GHR: variants seen among roughly 807,000 people sequenced by gnomAD.
GHR encodes the protein growth hormone receptor.
Under a neutral mutation model 67.1 loss-of-function variants are expected in GHR, and 35 were observed. The observed-to-expected ratio is 0.52, with a 90% CI of 0.40 to 0.69. The LOEUF is 0.69. Ranked by LOEUF, GHR falls within the 30% of genes least tolerant of loss-of-function variation. GHR has a pLI of 0.00. For missense variants in GHR, 792 were observed against 764.6 expected (o/e 1.04, Z -0.42); for synonymous variants, 272 against 269.1 (o/e 1.01, Z -0.10).
At chr5:42,474,406 T>C (rs527706710) in intron 1 of GHR, among the ~76,000 whole-genome samples, 1 of 152,208 alleles carries the variant, frequency 6.6e-6, no homozygotes, top group South Asian at 2.1e-4. Context: ...CCTCTTCTGA[T>C]TGTAGAAGTG....
chr5:42,632,680 C>T (rs926445570), intron 3 of GHR, among the ~76,000 whole-genome samples: 10 of 146,906 alleles, frequency 6.8e-5, no homozygotes, highest in Admixed American at 2.0e-4. Context: ...GGTTAGTAAC[C>T]CCAAAAGGAC....
At chr5:42,583,629 A>C (rs563463272) in intron 2 of GHR, among the ~76,000 whole-genome samples, 1 of 152,286 alleles carries the variant, frequency 6.6e-6, no homozygotes, top group African/African-American at 2.4e-5. Flanking sequence ...CTATTTGCAC[A>C]CAAGTTACAT....
chr5:42,593,559 A>G (rs952008074), intron 2 of GHR, among the ~76,000 whole-genome samples: 3 of 152,042 alleles, frequency 2.0e-5, no homozygotes, highest in Admixed American at 6.6e-5. Context: ...TGGGTCCTAT[A>G]CCTTATCTTG....
chr5:42,507,244 G>C (rs553598584), intron 1 of GHR, among the ~76,000 whole-genome samples: 5 of 152,316 alleles, frequency 3.3e-5, no homozygotes, highest in Non-Finnish European at 7.3e-5. Flanking sequence ...TTCAGTGAAG[G>C]TTACCATTAG....
At chr5:42,660,539 C>A (rs1755534667) in intron 3 of GHR, among the ~76,000 whole-genome samples, 2 of 152,214 alleles carry the variant, frequency 1.3e-5, no homozygotes, top group Admixed American at 6.5e-5. Flanking sequence ...AACAGACCTG[C>A]AGCTGAGGGT....
chr5:42,550,104 G>C (rs558924481), intron 1 of GHR: 3 of 974,526 alleles, frequency 3.1e-6, no homozygotes, highest in Non-Finnish European at 3.7e-6. Flanking sequence ...ATGACAGCAC[G>C]TATGAGCCTG....
intron 7 of GHR, 103 bp from the exon 8 acceptor site, chr5:42,713,326 G>C: frequency 1.4e-6 from 1 of 717,734 alleles, no homozygotes; most frequent in Non-Finnish European, 2.6e-6. Context: ...GACTTTATTA[G>C]ATGAATACAA....
At chr5:42,694,066 C>A (rs1380406436) in intron 4 of GHR, among the ~76,000 whole-genome samples, 1 of 152,100 alleles carries the variant, frequency 6.6e-6, no homozygotes, top group Non-Finnish European at 1.5e-5. Context: ...AAACTTTTAC[C>A]CATCCTTCAA....
chr5:42,678,128 T>G (rs1023875812), intron 3 of GHR, among the ~76,000 whole-genome samples: 2 of 152,182 alleles, frequency 1.3e-5, no homozygotes, highest in African/African-American at 4.8e-5. Flanking sequence ...TATCCCCATT[T>G]TACAGGTGAG....
chr5:42,459,162 C>G (rs1367838003), intron 1 of GHR, among the ~76,000 whole-genome samples: 1 of 152,056 alleles, frequency 6.6e-6, no homozygotes, highest in East Asian at 1.9e-4. Flanking sequence ...TGGATATAAA[C>G]CCAAAGGAAT....
chr5:42,718,708 G>A lies in GHR; in HGVS notation c.1201G>A (p.Ala401Thr). 1 of 1,614,194 alleles carries A rather than the reference G, an allele frequency of 6.2e-7. No homozygotes were observed. Among genetic ancestry groups the A allele is most frequent in the Non-Finnish European group, 8.5e-7 (1 of 1,180,032 alleles). Residue 401 changes from alanine to threonine, a missense_variant, in exon 10 of 10, where the codon GCC (alanine) becomes ACC (threonine). Coordinates refer to ENST00000230882, the MANE Select transcript of GHR (RefSeq NM_000163.5). Reference protein sequence around the residue: ...EPDILETDFNANDIHEGTSEV... With the variant: ...EPDILETDFNTNDIHEGTSEV... The stretch of plus-strand genomic sequence containing the variant: ...TGACATTCTGGAGACTGATTTCAAT[G>A]CCAATGACATACATGAGGGTACCTC...
At chr5:42,709,076 T>C (rs1383216419) in intron 6 of GHR, among the ~76,000 whole-genome samples, 1 of 152,140 alleles carries the variant, frequency 6.6e-6, no homozygotes, top group African/African-American at 2.4e-5. Flanking sequence ...AGACCTAGTG[T>C]GTGTCGCTTG....
At chr5:42,658,237 T>A (rs961848203) in intron 3 of GHR, among the ~76,000 whole-genome samples, 1 of 152,056 alleles carries the variant, frequency 6.6e-6, no homozygotes, top group African/African-American at 2.4e-5. Flanking sequence ...AAAATCCAAA[T>A]AAAACTGAAA....
intron 1 of GHR, among the ~76,000 whole-genome samples, chr5:42,503,071 A>G (rs1035710351): frequency 1.3e-5 from 2 of 152,068 alleles, no homozygotes; most frequent in African/African-American, 4.8e-5. Flanking sequence ...AGCTAACTTT[A>G]GTTTCTGATT....
At chr5:42,465,970 T>G (rs908771780) in intron 1 of GHR, 6 of 658,554 alleles carry the variant, frequency 9.1e-6, no homozygotes, top group Admixed American at 2.4e-5. Flanking sequence ...CGTGAAGTTG[T>G]TGAGCAGGTC....
intron 3 of GHR, among the ~76,000 whole-genome samples, chr5:42,673,633 C>A (rs1401462229): frequency 2.0e-5 from 3 of 152,116 alleles, no homozygotes; most frequent in Non-Finnish European, 4.4e-5. Context: ...AACATGGATG[C>A]AGCTGGAGGC....
In GHR at chr5:42,424,407, G is replaced by A; in HGVS notation, c.-12+452G>A. On this transcript the variant is annotated intron_variant, in intron 1 of 9. Transcript: ENST00000230882. The surrounding 1 kb of genome is among the most constrained non-coding windows in gnomAD (Gnocchi z 4.1). ...CTGCCTGGCTGCGGCAGGAACTGCCGAGGCTGCTGCTGTTGCGCGGGGAAG... is the reference window on the plus strand; with the variant it reads ...CTGCCTGGCTGCGGCAGGAACTGCCAAGGCTGCTGCTGTTGCGCGGGGAAG... 1 of 605,060 alleles carries A rather than the reference G, an allele frequency of 1.7e-6. No homozygotes were observed. The highest frequency in any genetic ancestry group is 3.0e-6 in the Non-Finnish European group (1 of 338,418). 37.5% of individuals were successfully genotyped at this position (605,060 alleles called of 1,614,324 possible).
intron 3 of GHR, among the ~76,000 whole-genome samples, chr5:42,663,825 T>C (rs1467643859): frequency 2.0e-5 from 3 of 152,218 alleles, no homozygotes; most frequent in African/African-American, 7.2e-5. Flanking sequence ...GCAGATGACA[T>C]GATTGTATAT....
chr5:42,696,977 T>A (rs778437447), intron 5 of GHR, among the ~76,000 whole-genome samples: 7 of 152,192 alleles, frequency 4.6e-5, no homozygotes, highest in African/African-American at 7.2e-5. Context: ...GAAATTAATC[T>A]TGTTGCAATG....
Sources: allele counts gnomAD v4.1 joint callset (sites outside exome capture counted in the v4.1 genomes callset), GRCh38; gene constraint gnomAD v4.1.1; non-coding constraint Gnocchi (gnomAD v3.1); transcripts MANE v1.5; gene names NCBI Gene and HGNC (gene_info 2026-07-23, HGNC 2026-07-21).